The following DIAPH3 variants were observed in gnomAD, a reference collection of about 807,000 sequenced individuals.
The protein encoded by DIAPH3 is protein diaphanous homolog 3.
A neutral mutation model predicts 144.3 loss-of-function variants in DIAPH3; 117 were observed. The observed-to-expected ratio is 0.81, with a 90% CI of 0.70 to 0.95. The LOEUF (loss-of-function observed/expected upper bound fraction) is 0.95, where lower values mean the gene tolerates loss of function less well. Among genes scored for constraint, DIAPH3 ranks in the 40% least tolerant of loss-of-function variants. The pLI, the probability that DIAPH3 is intolerant of heterozygous loss-of-function variation, is 0.00. For synonymous variants in DIAPH3, 519 were observed against 488.9 expected (o/e 1.06, Z -0.81); for missense variants, 1,421 against 1,412.7 (o/e 1.01, Z -0.09).
intron 27 of DIAPH3, among the ~76,000 whole-genome samples, chr13:59,669,032 T>C (rs994057136): frequency 6.6e-6 from 1 of 152,190 alleles, no homozygotes; most frequent in Non-Finnish European, 1.5e-5. Context: ...ATGCTGTCTC[T>C]AGAGATACTG....
intron 21 of DIAPH3, among the ~76,000 whole-genome samples, chr13:59,867,609 T>G (rs1219158015): frequency 6.6e-6 from 1 of 152,154 alleles, no homozygotes; most frequent in Admixed American, 6.6e-5. Flanking sequence ...ACACTTTCTC[T>G]GAATTATATT....
chr13:59,690,077 T>C (rs532888866), intron 27 of DIAPH3, among the ~76,000 whole-genome samples: 1 of 152,196 alleles, frequency 6.6e-6, no homozygotes, highest in South Asian at 2.1e-4. Context: ...AAGGATAACA[T>C]GATGGTTACC....
chr13:60,151,952 CA>C (rs888329853), intron 1 of DIAPH3, among the ~76,000 whole-genome samples: 8 of 152,082 alleles, frequency 5.3e-5, no homozygotes, highest in African/African-American at 1.9e-4. Context: ...GGAATTCAAT[CA>C]AAGGTTTTAA....
intron 5 of DIAPH3, among the ~76,000 whole-genome samples, chr13:60,038,794 A>G (rs931420277): frequency 2.6e-5 from 4 of 152,158 alleles, no homozygotes; most frequent in African/African-American, 9.7e-5. Flanking sequence ...CTTACCCTTG[A>G]CAGGCACGTC....
In DIAPH3 at chr13:59,876,426, C is replaced by G. The variant is rs145708538; in HGVS notation, c.2607+2803G>C. 5.9e-5 allele frequency among the ~76,000 whole-genome samples: 9 copies of G among 152,290 alleles called. No individual in the cohort carries two copies. In the East Asian group the frequency reaches 1.7e-3, roughly 29 times the overall value. ...AACTCTTTATCTGCAGACAGATTAA[C>G]TGGTTTGCCGACTAACTGTAGTAAA... On this transcript the variant is annotated intron_variant, in intron 21 of 27. Transcript: ENST00000400324.
At chr13:60,045,044 T>C (rs909544422) in intron 4 of DIAPH3, among the ~76,000 whole-genome samples, 8 of 152,180 alleles carry the variant, frequency 5.3e-5, no homozygotes, top group African/African-American at 1.7e-4. Flanking sequence ...TTTTTATTTA[T>C]AAATTACCCA....
chr13:59,906,105 A>G (rs1434172669), intron 20 of DIAPH3, among the ~76,000 whole-genome samples: 1 of 152,218 alleles, frequency 6.6e-6, no homozygotes, highest in Non-Finnish European at 1.5e-5. Flanking sequence ...GTGCAATACT[A>G]ATGCACTGCC....
At chr13:59,834,026 G>C (rs1026093495) in intron 23 of DIAPH3, among the ~76,000 whole-genome samples, 2 of 138,738 alleles carry the variant, frequency 1.4e-5, no homozygotes, top group Admixed American at 6.9e-5. Context: ...TTATGCATTA[G>C]ATTATTAAAA....
chr13:59,839,365 G>C lies in DIAPH3; in HGVS notation c.2821C>G (p.Pro941Ala). ...AACTTGTCATGCAAGTCCTCAGGAG[G>C]GGGAAAGGTTTCCAATTCCTTCTCA... is the stretch of plus-strand genomic sequence containing the variant. ...QLEKELETFP[P>A]PEDLHDKFVT... The change falls in exon 23 of 28, where the codon CCT becomes GCT. Residue 941 changes from proline to alanine, a missense_variant. Transcript: ENST00000400324. 1 of 1,613,616 alleles carries C rather than the reference G, an allele frequency of 6.2e-7. No homozygotes were observed. Among genetic ancestry groups the C allele is most frequent in the Non-Finnish European group, 8.5e-7 (1 of 1,179,748 alleles).
chr13:59,699,145 T>C (rs138835369), intron 27 of DIAPH3, among the ~76,000 whole-genome samples: 284 of 152,212 alleles, frequency 1.9e-3, no homozygotes, highest in African/African-American at 6.4e-3. Flanking sequence ...TAAACACATA[T>C]GTTATAGGGT....
At chr13:59,845,417 G>A (rs17057404) in intron 22 of DIAPH3, among the ~76,000 whole-genome samples, 8,377 of 152,044 alleles carry the variant, frequency 0.055, 677 homozygotes, top group African/African-American at 0.18. Flanking sequence ...TTTCTCCAGC[G>A]TCATTTTCAC....
At chr13:60,051,146 T>C (rs1034294878) in intron 4 of DIAPH3, among the ~76,000 whole-genome samples, 4 of 151,868 alleles carry the variant, frequency 2.6e-5, no homozygotes, top group Non-Finnish European at 5.9e-5. Flanking sequence ...GGACAACTCT[T>C]AGGAGATTTT....
At chr13:59,877,987 A>G (rs557002293) in intron 21 of DIAPH3, among the ~76,000 whole-genome samples, 104 of 152,152 alleles carry the variant, frequency 6.8e-4, no homozygotes, top group African/African-American at 2.4e-3. Flanking sequence ...CTCTGTCTTA[A>G]CTCTGCTGCC....
At chr13:60,031,510 C>T (rs1353440414) in intron 5 of DIAPH3, among the ~76,000 whole-genome samples, 1 of 152,108 alleles carries the variant, frequency 6.6e-6, no homozygotes, top group African/African-American at 2.4e-5. Context: ...TAATTCATTC[C>T]AGCATTAACT....
At chr13:59,723,672 G>A (rs571801261) in intron 27 of DIAPH3, among the ~76,000 whole-genome samples, 21 of 151,614 alleles carry the variant, frequency 1.4e-4, no homozygotes, top group East Asian at 1.4e-3. Flanking sequence ...GTGCAGTGGC[G>A]CAATCTCGGC....
At chr13:60,097,267 C>T (rs545080646) in intron 3 of DIAPH3, among the ~76,000 whole-genome samples, 1 of 152,164 alleles carries the variant, frequency 6.6e-6, no homozygotes, top group Non-Finnish European at 1.5e-5. Context: ...GGAAGTAGGG[C>T]CTAGTGGGAC....
At chr13:60,127,726 T>A (rs1304391825) in intron 2 of DIAPH3, among the ~76,000 whole-genome samples, 12 of 152,120 alleles carry the variant, frequency 7.9e-5, no homozygotes, top group Non-Finnish European at 1.0e-4. Flanking sequence ...AAAGCCAGGA[T>A]GGGAGAAGAG....
At chr13:60,065,727 T>C (rs1032487239) in intron 4 of DIAPH3, among the ~76,000 whole-genome samples, 3 of 152,170 alleles carry the variant, frequency 2.0e-5, no homozygotes, top group Admixed American at 6.5e-5. Flanking sequence ...TTTATAAATA[T>C]GCTATCTTCC....
At chr13:59,669,605 T>C (rs766843138) in intron 27 of DIAPH3, among the ~76,000 whole-genome samples, 1 of 152,100 alleles carries the variant, frequency 6.6e-6, no homozygotes, top group Non-Finnish European at 1.5e-5. Flanking sequence ...CTTTTGCTTG[T>C]CTATTCAAGG....
Sources: gnomAD v4.1 joint callset for allele counts (sites outside exome capture counted in the v4.1 genomes callset) on GRCh38, gnomAD v4.1.1 for gene constraint, MANE v1.5 for transcripts, NCBI Gene and HGNC (gene_info 2026-07-23, HGNC 2026-07-21) for gene names.